NCKAP5: variants seen among roughly 807,000 people sequenced by gnomAD.
NCKAP5 encodes the protein NCK associated protein 5.
NCKAP5 carries 92 observed loss-of-function variants against 167.0 expected under a neutral mutation model. The ratio of observed to expected loss-of-function variants is 0.55; its 90% CI spans 0.47 to 0.66. NCKAP5 has a LOEUF of 0.66. Ranked by LOEUF, NCKAP5 falls within the 30% of genes least tolerant of loss-of-function variation. The pLI, the probability that NCKAP5 is intolerant of heterozygous loss-of-function variation, is 0.00. For synonymous variants in NCKAP5, 891 were observed against 877.4 expected (o/e 1.02, Z -0.27); for missense variants, 2,378 against 2,315.0 (o/e 1.03, Z -0.56).
At chr2:133,360,872 A>G (rs1685054730) in intron 3 of NCKAP5, among the ~76,000 whole-genome samples, 1 of 151,834 alleles carries the variant, frequency 6.6e-6, no homozygotes, top group South Asian at 2.1e-4. Flanking sequence ...TGGCTAATCA[A>G]ATTAGAGTGG....
intron 3 of NCKAP5, among the ~76,000 whole-genome samples, chr2:133,395,741 G>T (rs1687691132): frequency 6.6e-6 from 1 of 152,040 alleles, no homozygotes; most frequent in Non-Finnish European, 1.5e-5. Context: ...GAACTCCTGG[G>T]CTCAAGCGAT....
intron 3 of NCKAP5, among the ~76,000 whole-genome samples, chr2:133,370,770 T>A (rs1685755848): frequency 1.3e-5 from 2 of 151,738 alleles, no homozygotes; most frequent in African/African-American, 4.8e-5. Flanking sequence ...TTCTTCAGGA[T>A]TTTTTTTCTT....
chr2:132,789,100 A>G (rs1683838501), intron 13 of NCKAP5, among the ~76,000 whole-genome samples: 1 of 152,220 alleles, frequency 6.6e-6, no homozygotes. Context: ...TTAGAACATC[A>G]AAAGCTACTG....
chr2:133,045,196 C>A (rs1051327242), intron 6 of NCKAP5, among the ~76,000 whole-genome samples: 27 of 152,076 alleles, frequency 1.8e-4, no homozygotes, highest in East Asian at 1.9e-4. Context: ...CATGATGGAA[C>A]AATGCACAGC....
At position 133,259,040 on chromosome 2, in the gene NCKAP5, C is replaced by T. The variant is rs556465650; in HGVS notation, c.143+43997G>A. Among the ~76,000 whole-genome samples, 6 of 152,258 alleles carry T rather than the reference C, an allele frequency of 3.9e-5. No individual in the cohort carries two copies. In the East Asian group the frequency reaches 1.2e-3, roughly 29 times the overall value. On this transcript the variant is annotated intron_variant, in intron 4 of 19. Coordinates refer to ENST00000409261, the MANE Select transcript of NCKAP5 (RefSeq NM_207363.3). ...GATGACCCATATTAATGGGTCTCTG[C>T]TACCGCTCCACCTCCACCTCCCACC... is the stretch of plus-strand genomic sequence containing the variant.
At chr2:132,833,926 T>C (rs1486732605) in intron 11 of NCKAP5, among the ~76,000 whole-genome samples, 1 of 152,200 alleles carries the variant, frequency 6.6e-6, no homozygotes, top group African/African-American at 2.4e-5. Flanking sequence ...AGGGATTGCA[T>C]TGAATCTCTA....
intron 3 of NCKAP5, among the ~76,000 whole-genome samples, chr2:133,476,698 A>T (rs957521537): frequency 4.6e-5 from 7 of 152,332 alleles, no homozygotes; most frequent in Admixed American, 1.3e-4. Flanking sequence ...AAAATGTTTA[A>T]ATAGAGCCAT....
At chr2:132,723,230 C>G (rs1205757163) in intron 19 of NCKAP5, among the ~76,000 whole-genome samples, 1 of 149,804 alleles carries the variant, frequency 6.7e-6, no homozygotes, top group Non-Finnish European at 1.5e-5. Context: ...ACTGCAACCT[C>G]CACCTCCCAG....
intron 6 of NCKAP5, among the ~76,000 whole-genome samples, chr2:133,085,256 TAGTAAGCATC>T (rs2080948878): frequency 6.6e-6 from 1 of 152,130 alleles, no homozygotes; most frequent in Admixed American, 6.6e-5. Flanking sequence ...GAGGCTCTCT[TAGTAAGCATC>T]AGGCACCTAC....
At chr2:133,584,745 C>G in the NCKAP5 span, among the ~76,000 whole-genome samples, 1 of 152,028 alleles carries the variant, frequency 6.6e-6, no homozygotes, top group African/African-American at 2.4e-5. Flanking sequence ...GTCTGGGAAA[C>G]AGAGTGAGCC....
intron 3 of NCKAP5, among the ~76,000 whole-genome samples, chr2:133,337,582 C>G (rs1683297142): frequency 6.6e-6 from 1 of 152,098 alleles, no homozygotes. Context: ...TCCAATATGA[C>G]TGGTATCCTT....
At chr2:133,518,185 A>G (rs1684171326) in intron 2 of NCKAP5, among the ~76,000 whole-genome samples, 1 of 152,060 alleles carries the variant, frequency 6.6e-6, no homozygotes, top group African/African-American at 2.4e-5. Flanking sequence ...TTTTTACCAT[A>G]TTAGATATAG....
chr2:132,888,744 G>T (rs937170357), intron 8 of NCKAP5, among the ~76,000 whole-genome samples: 3 of 152,176 alleles, frequency 2.0e-5, no homozygotes, highest in Admixed American at 6.5e-5. Flanking sequence ...GACACATTCT[G>T]ACAACTGACA....
At chr2:132,729,252 G>A (rs931642915) in intron 17 of NCKAP5, among the ~76,000 whole-genome samples, 8 of 152,122 alleles carry the variant, frequency 5.3e-5, no homozygotes, top group African/African-American at 1.9e-4. Flanking sequence ...AACCATTCAG[G>A]AAACACTAAA....
intron 8 of NCKAP5, chr2:132,954,612 C>A: frequency 2.2e-6 from 1 of 452,926 alleles, no homozygotes; most frequent in Non-Finnish European, 4.4e-6. Context: ...GCCACTGCAT[C>A]ATATTTTTGA....
At chr2:133,481,758 A>G (rs1221879121) in intron 3 of NCKAP5, among the ~76,000 whole-genome samples, 1 of 152,204 alleles carries the variant, frequency 6.6e-6, no homozygotes, top group Non-Finnish European at 1.5e-5. Context: ...TGCAAAGGAC[A>G]TGATCTCATT....
intron 19 of NCKAP5, among the ~76,000 whole-genome samples, chr2:132,706,759 A>G (rs1688393064): frequency 6.6e-6 from 1 of 152,164 alleles, no homozygotes; most frequent in Admixed American, 6.6e-5. Context: ...GTCTGATATG[A>G]CATGAAAGAA....
chr2:132,874,207 C>T (rs1330053248), intron 9 of NCKAP5, among the ~76,000 whole-genome samples: 11 of 147,450 alleles, frequency 7.5e-5, no homozygotes, highest in Non-Finnish European at 5.9e-5. Context: ...CTCCCGAGTT[C>T]AAGTGATTCT....
At chr2:133,182,383 C>A (rs1291722441) in intron 5 of NCKAP5, among the ~76,000 whole-genome samples, 1 of 152,050 alleles carries the variant, frequency 6.6e-6, no homozygotes, top group Non-Finnish European at 1.5e-5. Flanking sequence ...ATATCCTGAG[C>A]CATAAAAAAC....
Sources: allele counts gnomAD v4.1 joint callset (sites outside exome capture counted in the v4.1 genomes callset), GRCh38; gene constraint gnomAD v4.1.1; transcripts MANE v1.5; gene names NCBI Gene and HGNC (gene_info 2026-07-23, HGNC 2026-07-21).